Variants in GNA14 observed in about 807,000 individuals in gnomAD.
GNA14 encodes the protein G protein subunit alpha 14.
GNA14 carries 50 observed loss-of-function variants against 42.0 expected under a neutral mutation model. The observed-to-expected ratio is 1.19, with a 90% CI of 0.95 to 1.51. GNA14 has a LOEUF of 1.51. Ranked by LOEUF, GNA14 falls within the 40% of genes most tolerant of loss-of-function variation. GNA14 has a pLI of 0.00. For missense variants in GNA14, 473 were observed against 446.2 expected (o/e 1.06, Z -0.54); for synonymous variants, 173 against 163.1 (o/e 1.06, Z -0.46).
chr9:77,622,641 C>T (rs1823945984), intron 1 of GNA14, among the ~76,000 whole-genome samples: 1 of 151,286 alleles, frequency 6.6e-6, no homozygotes, highest in African/African-American at 2.4e-5. Context: ...AATCCCAGCA[C>T]TTTGGGAGGC....
chr9:77,465,710 A>G (rs1836211138), intron 2 of GNA14, among the ~76,000 whole-genome samples: 1 of 151,892 alleles, frequency 6.6e-6, no homozygotes, highest in Non-Finnish European at 1.5e-5. Context: ...AGCTCAAGCA[A>G]TCCTCCCACC....
In GNA14 at chr9:77,563,143, T is replaced by A. The variant is rs537094713; in HGVS notation, c.125-33890A>T. On this transcript the variant is annotated intron_variant, in intron 1 of 6. Coordinates refer to ENST00000341700, the MANE Select transcript of GNA14 (RefSeq NM_004297.4). ...TCACCATGCACTGCTGCACAGCAAA[T>A]GTAAACCCAGGAGCTAAAACCAAAT... Among the ~76,000 whole-genome samples the A allele has an allele frequency of 6.4e-4, 97 of 152,262 alleles. 1 individual carries two copies. The highest frequency in any genetic ancestry group is 2.3e-3 in the African/African-American group (97 of 41,538).
At chr9:77,535,278 C>T (rs1837580650) in intron 1 of GNA14, among the ~76,000 whole-genome samples, 1 of 152,318 alleles carries the variant, frequency 6.6e-6, no homozygotes, top group East Asian at 1.9e-4. Flanking sequence ...GTGGCTCACG[C>T]CTGTAATCCC....
In GNA14 at chr9:77,572,338, C is replaced by T. The variant is rs374039735; in HGVS notation, c.125-43085G>A. On this transcript the variant is annotated intron_variant, in intron 1 of 6. Coordinates refer to ENST00000341700, the MANE Select transcript of GNA14 (RefSeq NM_004297.4). The stretch of plus-strand genomic sequence containing the variant: ...ATTATGTAGACTGAGAAATAATATC[C>T]AAAAACTTATCCAGACAAATCTTCC... Among the ~76,000 whole-genome samples, 19 of 152,196 alleles carry T rather than the reference C, an allele frequency of 1.2e-4. 1 individual carries two copies. In the South Asian group the frequency reaches 3.9e-3, roughly 32 times the overall value.
At chr9:77,433,776 T>TA (rs1220919992) in intron 3 of GNA14, among the ~76,000 whole-genome samples, 3 of 152,212 alleles carry the variant, frequency 2.0e-5, no homozygotes, top group Non-Finnish European at 2.9e-5. Context: ...GGATCCAAAA[T>TA]ACAGTGTGTA....
At chr9:77,634,448 C>CGAAAG (rs1243218278) in intron 1 of GNA14, among the ~76,000 whole-genome samples, 11 of 118,344 alleles carry the variant, frequency 9.3e-5, no homozygotes, top group Non-Finnish European at 1.7e-4. Flanking sequence ...AGGAAGGAAG[C>CGAAAG]GAAAGGAAAG....
chr9:77,567,060 C>T (rs1052643755), intron 1 of GNA14, among the ~76,000 whole-genome samples: 4 of 152,098 alleles, frequency 2.6e-5, no homozygotes, highest in African/African-American at 9.7e-5. Flanking sequence ...TATCTGTTCT[C>T]AAACATACTG....
At chr9:77,540,960 T>C (rs983159620) in intron 1 of GNA14, among the ~76,000 whole-genome samples, 1 of 152,196 alleles carries the variant, frequency 6.6e-6, no homozygotes, top group Non-Finnish European at 1.5e-5. Context: ...TATTCAAGGT[T>C]ATTATTGATA....
chr9:77,627,867 A>G (rs559386924), intron 1 of GNA14, among the ~76,000 whole-genome samples: 2 of 152,304 alleles, frequency 1.3e-5, no homozygotes, highest in East Asian at 3.9e-4. Flanking sequence ...CCCCTATTCA[A>G]CATAGTATTG....
intron 2 of GNA14, among the ~76,000 whole-genome samples, chr9:77,504,933 T>C (rs1405528041): frequency 1.3e-5 from 2 of 152,158 alleles, no homozygotes; most frequent in Non-Finnish European, 2.9e-5. Flanking sequence ...CCCAAAGTGC[T>C]GGGATTACAG....
At chr9:77,634,465 AAGGAGGG>A (rs1824149244) in intron 1 of GNA14, among the ~76,000 whole-genome samples, 1 of 146,258 alleles carries the variant, frequency 6.8e-6, no homozygotes, top group South Asian at 2.2e-4. Flanking sequence ...AAAGGAAAGG[AAGGAGGG>A]AAGGAAGGAA....
At chr9:77,565,984 A>T (rs1319287759) in intron 1 of GNA14, among the ~76,000 whole-genome samples, 1 of 143,024 alleles carries the variant, frequency 7.0e-6, no homozygotes, top group African/African-American at 2.9e-5. Flanking sequence ...TAGAGGGGTA[A>T]CTGGCACTGA....
At chr9:77,549,926 G>A (rs1030444485) in intron 1 of GNA14, among the ~76,000 whole-genome samples, 2 of 152,110 alleles carry the variant, frequency 1.3e-5, no homozygotes, top group African/African-American at 4.8e-5. Context: ...CCCACTTCTA[G>A]GGCTTGCATG....
At chr9:77,475,939 G>C (rs1349476356) in intron 2 of GNA14, among the ~76,000 whole-genome samples, 5 of 152,170 alleles carry the variant, frequency 3.3e-5, no homozygotes, top group Non-Finnish European at 7.4e-5. Context: ...CCCTAAAATT[G>C]TCACCTCAGT....
chr9:77,518,449 G>A (rs1184858961), intron 2 of GNA14, among the ~76,000 whole-genome samples: 1 of 152,028 alleles, frequency 6.6e-6, no homozygotes, highest in Non-Finnish European at 1.5e-5. Context: ...TCAACACAAA[G>A]CAGAGATACA....
chr9:77,444,848 A>C (rs977991721), intron 2 of GNA14, among the ~76,000 whole-genome samples: 4 of 152,180 alleles, frequency 2.6e-5, no homozygotes, highest in African/African-American at 9.7e-5. Context: ...GGGGTGCCCT[A>C]AATGTCCCAC....
Position 77,459,387 on chromosome 9 carries a change from G to C in GNA14, c.310-24865C>G, listed in dbSNP as rs532363825. Among the ~76,000 whole-genome samples, 5 of 152,322 alleles carry C rather than the reference G, an allele frequency of 3.3e-5. No homozygotes were observed. The South Asian group carries it at 1.0e-3, about 32-fold the overall frequency. On this transcript the variant is annotated intron_variant, in intron 2 of 6. Coordinates refer to ENST00000341700, the MANE Select transcript of GNA14 (RefSeq NM_004297.4). Reference sequence around the variant, plus strand: ...AAGCCCAGCCTGCCCTCACCTCAAAGTCTTCTCCAGTGCCCTCCTGCCTGG... The same window carrying C: ...AAGCCCAGCCTGCCCTCACCTCAAACTCTTCTCCAGTGCCCTCCTGCCTGG...
At chr9:77,564,389 G>C (rs1013888968) in intron 1 of GNA14, among the ~76,000 whole-genome samples, 8 of 151,710 alleles carry the variant, frequency 5.3e-5, no homozygotes, top group African/African-American at 1.7e-4. Context: ...CTTTAAAAAA[G>C]CTTCCCTGGT....
intron 1 of GNA14, among the ~76,000 whole-genome samples, chr9:77,637,099 A>C (rs1209099756): frequency 3.9e-5 from 6 of 152,176 alleles, no homozygotes; most frequent in Admixed American, 3.9e-4. Context: ...TGCCAAGGTA[A>C]AACATACATT....
Sources: gnomAD v4.1 joint callset for allele counts (sites outside exome capture counted in the v4.1 genomes callset) on GRCh38, gnomAD v4.1.1 for gene constraint, MANE v1.5 for transcripts, NCBI Gene and HGNC (gene_info 2026-07-23, HGNC 2026-07-21) for gene names.